RTF2: variants seen among roughly 807,000 people sequenced by gnomAD.
RTF2 encodes UPF0549 protein C20orf43.
Under a neutral mutation model 38.0 loss-of-function variants are expected in RTF2, and 18 were observed. That is an observed-to-expected ratio of 0.47 (90% CI 0.33 to 0.70). The LOEUF is 0.70. Ranked by LOEUF, RTF2 falls within the 30% of genes least tolerant of loss-of-function variation. The pLI is 0.02. For synonymous variants in RTF2, 126 were observed against 137.1 expected, an observed-to-expected ratio of 0.92 and a Z score of 0.57; for missense variants, 311 against 379.6, an observed-to-expected ratio of 0.82 and a Z score of 1.50.
chr20:56,468,664 GGGGTTTGCTGCT>G lies in RTF2; in HGVS notation c.-31_-20del. On this transcript the variant is annotated 5_prime_UTR_variant, in exon 1 of 9. Coordinates refer to ENST00000357348, the MANE Select transcript of RTF2 (RefSeq NM_016407.5). ...GGAAATCCCGGAAGTGACAGCTTTG[GGGGTTTGCTGCT>G]GGCTCTGACTCCCGTCCTGCGATGG... The G allele has an allele frequency of 6.5e-7, 1 of 1,549,666 alleles. No individual in the cohort carries two copies. Among genetic ancestry groups the G allele is most frequent in the South Asian group, 1.2e-5 (1 of 84,198 alleles).
At chr20:56,470,652 A>T in intron 1 of RTF2, 1 of 456,060 alleles carries the variant, frequency 2.2e-6, no homozygotes, top group Admixed American at 2.3e-5. Flanking sequence ...ACACCAAGCC[A>T]AGATTAGAAG....
At chr20:56,474,804 T>C in intron 3 of RTF2, 33 bp downstream of exon 3, 12 of 1,351,576 alleles carry the variant, frequency 8.9e-6, no homozygotes, top group Non-Finnish European at 1.2e-5. Context: ...GCTGTGAGGG[T>C]CTGAACAGTG....
At chr20:56,484,213 T>C in intron 5 of RTF2, 24 bp downstream of exon 5, 1 of 1,575,002 alleles carries the variant, frequency 6.3e-7, no homozygotes, top group Non-Finnish European at 8.7e-7. Flanking sequence ...ATGTACCATT[T>C]GTTCCTTCTC....
At chr20:56,513,742 T>C (rs13043526) in intron 6 of RTF2, 92,598 of 255,640 alleles carry the variant, frequency 0.36, 18,445 homozygotes, top group Non-Finnish European at 0.44. Context: ...TGACACGGCC[T>C]CAGCAAGCCC....
At chr20:56,484,259 C>G in intron 5 of RTF2, 70 bp downstream of exon 5, 1 of 1,258,552 alleles carries the variant, frequency 7.9e-7, no homozygotes, top group East Asian at 2.3e-5. Context: ...AGGGTCCTTT[C>G]CCTCCATTTG....
intron 4 of RTF2, among the ~76,000 whole-genome samples, chr20:56,478,636 T>C (rs183394653): frequency 2.7e-4 from 41 of 152,326 alleles, no homozygotes; most frequent in Admixed American, 1.8e-3. Context: ...TCATCATCTT[T>C]TTGCTGGTGG....
chr20:56,499,488 T>C (rs566263528), intron 5 of RTF2, among the ~76,000 whole-genome samples: 104 of 152,230 alleles, frequency 6.8e-4, no homozygotes, highest in Middle Eastern at 3.4e-3. Context: ...GCAATACTTA[T>C]GTTTATAAAC....
intron 5 of RTF2, among the ~76,000 whole-genome samples, chr20:56,504,935 C>T (rs1223190132): frequency 6.6e-6 from 1 of 152,212 alleles, no homozygotes; most frequent in African/African-American, 2.4e-5. Flanking sequence ...GTTGCCAAAG[C>T]ACAGAGTATT....
At chr20:56,482,749 A>G (rs2146325646) in intron 4 of RTF2, among the ~76,000 whole-genome samples, 1 of 152,340 alleles carries the variant, frequency 6.6e-6, no homozygotes, top group East Asian at 1.9e-4. Flanking sequence ...TCCCTGGGAA[A>G]TTAGAGAAAA....
intron 4 of RTF2, among the ~76,000 whole-genome samples, chr20:56,480,329 T>C (rs1347592195): frequency 5.9e-5 from 9 of 152,210 alleles, no homozygotes; most frequent in African/African-American, 1.4e-4. Flanking sequence ...TCTGCAGCTT[T>C]CTTGCCTCTG....
chr20:56,499,878 A>G (rs1255093924), intron 5 of RTF2, among the ~76,000 whole-genome samples: 1 of 152,038 alleles, frequency 6.6e-6, no homozygotes, highest in Non-Finnish European at 1.5e-5. Flanking sequence ...CTGGGATTAC[A>G]GGCATGTGCC....
chr20:56,471,641 A>G (rs1465766572), intron 1 of RTF2: 2 of 152,226 alleles, frequency 1.3e-5, no homozygotes, highest in Non-Finnish European at 2.9e-5. Context: ...TTAAAAGAAG[A>G]AAGACCCTAG....
intron 5 of RTF2, among the ~76,000 whole-genome samples, chr20:56,485,219 C>G (rs116458432): frequency 2.8e-4 from 43 of 152,258 alleles, no homozygotes; most frequent in African/African-American, 1.0e-3. Flanking sequence ...GAGGTTTGAG[C>G]TGAGACCCGA....
In RTF2 at chr20:56,489,218, G is replaced by GTTT. The variant is rs1248222611; in HGVS notation, c.477+5031_477+5032insTTT. On this transcript the variant is annotated intron_variant, in intron 5 of 8. Transcript: ENST00000357348. ...CTACAGGCGCCCACCACCATGCCTGGTTATTTTTTTTTTTTTTTTGTATTT... is the reference window on the plus strand; with the variant it reads ...CTACAGGCGCCCACCACCATGCCTGGTTTTTATTTTTTTTTTTTTTTTGTATTT... Among the ~76,000 whole-genome samples, 554 of 79,214 alleles carry GTTT rather than the reference G, an allele frequency of 7.0e-3. 2 individuals carry two copies. Among genetic ancestry groups the GTTT allele is most frequent in the African/African-American group, 0.026 (527 of 19,942 alleles). The allele number at this position is 79,214 out of a possible 152,430, so 52.0% of individuals were successfully genotyped here.
At chr20:56,499,697 A>G (rs1401973543) in intron 5 of RTF2, among the ~76,000 whole-genome samples, 1 of 151,930 alleles carries the variant, frequency 6.6e-6, no homozygotes, top group African/African-American at 2.4e-5. Flanking sequence ...ACTTTAGTAT[A>G]GGAAGAAGGG....
chr20:56,516,170 G>A (rs777668356), intron 6 of RTF2: 11 of 152,242 alleles, frequency 7.2e-5, no homozygotes, highest in Non-Finnish European at 1.2e-4. Context: ...AATGCTCAGT[G>A]CTGGGAGATG....
intron 5 of RTF2, among the ~76,000 whole-genome samples, chr20:56,502,476 T>C (rs536617631): frequency 6.6e-6 from 1 of 152,304 alleles, no homozygotes; most frequent in South Asian, 2.1e-4. Flanking sequence ...GAACAGTTCG[T>C]TGAAGGATAT....
chr20:56,500,525 AG>A (rs977511621), intron 5 of RTF2, among the ~76,000 whole-genome samples: 3 of 152,218 alleles, frequency 2.0e-5, no homozygotes, highest in Admixed American at 2.0e-4. Flanking sequence ...AGAGGCCCCA[AG>A]GGTAGCCATT....
intron 6 of RTF2, 48 bp from the exon 7 acceptor site, chr20:56,516,887 G>A (rs1274143245): frequency 6.4e-7 from 1 of 1,574,348 alleles, no homozygotes; most frequent in Non-Finnish European, 8.7e-7. Flanking sequence ...TGACGCTGAA[G>A]TGGAGTGAAT....
Sources: allele counts gnomAD v4.1 joint callset (sites outside exome capture counted in the v4.1 genomes callset), GRCh38; gene constraint gnomAD v4.1.1; transcripts MANE v1.5; gene names NCBI Gene and HGNC (gene_info 2026-07-23, HGNC 2026-07-21).